Variants in ZNF514 observed in about 807,000 individuals in gnomAD.
ZNF514 encodes the protein zinc finger protein 514.
A neutral mutation model predicts 9.7 loss-of-function variants in ZNF514; 12 were observed. The observed-to-expected ratio is 1.24, with a 90% CI of 0.79 to 2.01. ZNF514 has a LOEUF of 2.01. ZNF514 is among the 30% of genes most tolerant of loss of function. ZNF514 has a pLI of 0.00. For missense variants in ZNF514, 467 were observed against 465.5 expected (o/e 1.00, Z -0.03); for synonymous variants, 158 against 163.7 (o/e 0.97, Z 0.27).
At chr2:95,158,956 G>C (rs1157187585) in intron 1 of ZNF514, 15 of 1,289,400 alleles carry the variant, frequency 1.2e-5, no homozygotes, top group Non-Finnish European at 1.5e-5. Context: ...GCACGCTCCA[G>C]AGCCAAACCT....
chr2:95,137,195 C>G, the ZNF514 span, among the ~76,000 whole-genome samples: 1 of 152,132 alleles, frequency 6.6e-6, no homozygotes, highest in African/African-American at 2.4e-5. Context: ...AAAGAAGCAG[C>G]CTTAACCAAG....
chr2:95,124,741 A>T, the ZNF514 span, among the ~76,000 whole-genome samples: 2 of 151,332 alleles, frequency 1.3e-5, no homozygotes, highest in Non-Finnish European at 2.9e-5. Context: ...GCCTTTAAGC[A>T]ATCCACCCAC....
At position 95,149,708 on chromosome 2, in the gene ZNF514, G is replaced by A. The variant is rs140564139; in HGVS notation, c.777C>T (p.Pro259=). ...KHQRTHTGEK[P]YECSECGRAF... ...CTCTCCCACATTCACTGCATTCATAGGGCTTTTCTCCAGTATGAGTTCTTT... is the reference window on the plus strand; with the variant it reads ...CTCTCCCACATTCACTGCATTCATAAGGCTTTTCTCCAGTATGAGTTCTTT... The change falls in exon 5 of 5, where the codon CCC becomes CCT. Residue 259 remains proline (P), a synonymous_variant. Transcript: ENST00000295208. 209 of 1,614,204 alleles carry A rather than the reference G, an allele frequency of 1.3e-4. No homozygotes were observed. The Middle Eastern group carries it at 4.1e-3, about 32-fold the overall frequency.
chr2:95,153,229 C>T lies in ZNF514; in HGVS notation c.25G>A (p.Glu9Lys). The part of the protein sequence containing the change: MTFEDVAV[E>K]FSQWEWGQLN... ...TGCCCCCACTCCCACTGGCTGAATT[C>T]CACAGCCACATCTTCAAATGTCATC... Residue 9 changes from glutamate to lysine, a missense_variant, in exon 3 of 5, where the codon GAA becomes AAA. Glu to Lys is a moderately conservative substitution (Grantham distance 56). Coordinates refer to ENST00000295208, the MANE Select transcript of ZNF514 (RefSeq NM_032788.3). 6.2e-7 allele frequency: 1 copy of T among 1,613,994 alleles called. No homozygotes were observed. Among genetic ancestry groups the T allele is most frequent in the South Asian group, 1.1e-5 (1 of 91,044 alleles).
chr2:95,130,216 G>A, the ZNF514 span, among the ~76,000 whole-genome samples: 2 of 152,160 alleles, frequency 1.3e-5, no homozygotes, highest in Non-Finnish European at 2.9e-5. Flanking sequence ...TTTTCAAAAG[G>A]GGAGGGAGTG....
chr2:95,158,725 T>C (rs1355879905), intron 1 of ZNF514: 15 of 992,500 alleles, frequency 1.5e-5, no homozygotes, highest in Non-Finnish European at 1.8e-5. Flanking sequence ...TGGGACAATT[T>C]TCCATGGCCA....
Position 95,150,185 on chromosome 2 carries a change from CACTGAT to C in ZNF514, c.294_299del (p.Ser99_Val100del). On this transcript the variant is annotated inframe_deletion, in exon 5 of 5. Coordinates refer to ENST00000295208, the MANE Select transcript of ZNF514 (RefSeq NM_032788.3). ...GCAGCACATCTTGAATGTGTTTTTC[CACTGAT>C]ACTACCTGGAATAATTCTTCTTTGG... 2 of 1,608,580 alleles carry C rather than the reference CACTGAT, an allele frequency of 1.2e-6. No individual in the cohort carries two copies. Among genetic ancestry groups the C allele is most frequent in the Non-Finnish European group, 1.7e-6 (2 of 1,179,870 alleles).
chr2:95,123,456 T>C, the ZNF514 span, among the ~76,000 whole-genome samples: 1 of 152,152 alleles, frequency 6.6e-6, no homozygotes, highest in South Asian at 2.1e-4. Flanking sequence ...ACTGGGAGGA[T>C]TTCCCTTCAC....
chr2:95,127,834 C>T, the ZNF514 span, among the ~76,000 whole-genome samples: 5 of 152,170 alleles, frequency 3.3e-5, no homozygotes, highest in East Asian at 9.8e-4. Flanking sequence ...GCCTTGAACT[C>T]CTGAACTCAG....
rs552568773 is a variant in ZNF514, at chr2:95,158,175, T to TAAG, written c.-95-739_-95-737dup. ...TGTTAAACTCTGGCTCAAGACTTGC[T>TAAG]AAGACACTGTTTGAGGATGTGTGGG... On this transcript the variant is annotated intron_variant, in intron 1 of 4. Transcript: ENST00000295208. Among the ~76,000 whole-genome samples the TAAG allele has an allele frequency of 2.6e-5, 4 of 152,298 alleles. No homozygotes were observed. The East Asian group carries it at 7.7e-4, about 29-fold the overall frequency.
At chr2:95,156,737 C>G (rs901818832) in intron 2 of ZNF514, among the ~76,000 whole-genome samples, 1 of 152,138 alleles carries the variant, frequency 6.6e-6, no homozygotes, top group African/African-American at 2.4e-5. Flanking sequence ...TTACTGGTGG[C>G]AAACCAATGC....
chr2:95,131,721 G>C, the ZNF514 span, among the ~76,000 whole-genome samples: 1 of 152,196 alleles, frequency 6.6e-6, no homozygotes. Flanking sequence ...AACAAATGGT[G>C]CAGGAAGAAC....
Position 95,147,592 on chromosome 2 carries a change from T to C in ZNF514, c.*1690A>G, listed in dbSNP as rs1217500494. ...GGCATCTGCCTTCTTTCACTTAGAA[T>C]CACGTTTTTGAGATCTGGATTGTGC... On this transcript the variant is annotated 3_prime_UTR_variant, in exon 5 of 5. Coordinates refer to ENST00000295208, the MANE Select transcript of ZNF514 (RefSeq NM_032788.3). The C allele has an allele frequency of 6.6e-6, 1 of 152,100 alleles. No individual in the cohort carries two copies. Among genetic ancestry groups the C allele is most frequent in the Non-Finnish European group, 1.5e-5 (1 of 68,002 alleles). 9.4% of individuals were successfully genotyped at this position (152,100 alleles called of 1,614,324 possible). A position where few individuals can be genotyped will look rare whatever the true frequency, so the allele number is the denominator to read the frequency against.
the ZNF514 span, among the ~76,000 whole-genome samples, chr2:95,137,713 A>C: frequency 4.6e-5 from 7 of 152,252 alleles, no homozygotes; most frequent in African/African-American, 1.7e-4. Flanking sequence ...GAAAATTTGC[A>C]GTCCTTACAG....
Position 95,152,786 on chromosome 2 carries a change from A to T in ZNF514, c.122-17T>A, listed in dbSNP as rs770134024. On this transcript the variant is annotated splice_polypyrimidine_tract_variant and intron_variant, in intron 3 of 4. Coordinates refer to ENST00000295208, the MANE Select transcript of ZNF514 (RefSeq NM_032788.3). ...CTAGAAGGCCTGATGGTAGAGAAGGAAAAGGATTTTGGTTGTGTGTGCCAG... is the reference window on the plus strand; with the variant it reads ...CTAGAAGGCCTGATGGTAGAGAAGGTAAAGGATTTTGGTTGTGTGTGCCAG... The T allele has an allele frequency of 6.2e-7, 1 of 1,612,004 alleles. No individual in the cohort carries two copies. Among genetic ancestry groups the T allele is most frequent in the Admixed American group, 1.7e-5 (1 of 60,020 alleles).
At chr2:95,158,711 C>G (rs1166889384) in intron 1 of ZNF514, 1 of 868,754 alleles carries the variant, frequency 1.2e-6, no homozygotes, top group Non-Finnish European at 1.5e-6. Context: ...TCTCCTCTGG[C>G]CATTGGGACA....
Position 95,148,311 on chromosome 2 carries a change from C to A in ZNF514, c.*971G>T, listed in dbSNP as rs557584664. ...CTCTGCACCCATGCATGACACCCTGCCCCGTCAGTAACAGCATGAGGAGGC... is the reference window on the plus strand; with the variant it reads ...CTCTGCACCCATGCATGACACCCTGACCCGTCAGTAACAGCATGAGGAGGC... On this transcript the variant is annotated 3_prime_UTR_variant, in exon 5 of 5. Coordinates refer to ENST00000295208, the MANE Select transcript of ZNF514 (RefSeq NM_032788.3). The A allele has an allele frequency of 6.6e-6, 1 of 152,356 alleles. No individual in the cohort carries two copies. The highest frequency in any genetic ancestry group is 2.4e-5 in the African/African-American group (1 of 41,570). 9.4% of individuals were successfully genotyped at this position (152,356 alleles called of 1,614,324 possible). A position where few individuals can be genotyped will look rare whatever the true frequency, so the allele number is the denominator to read the frequency against.
the ZNF514 span, among the ~76,000 whole-genome samples, chr2:95,130,247 A>G: frequency 1.3e-5 from 2 of 152,236 alleles, no homozygotes; most frequent in Non-Finnish European, 2.9e-5. Flanking sequence ...TGTGGGTGAC[A>G]GACACCAAGT....
At chr2:95,129,969 CTCTTAT>C in the ZNF514 span, among the ~76,000 whole-genome samples, 53 of 152,246 alleles carry the variant, frequency 3.5e-4, 2 homozygotes, top group South Asian at 0.01. Flanking sequence ...CTCCAGGGGT[CTCTTAT>C]TTATTTATTT....
Sources: allele counts gnomAD v4.1 joint callset (sites outside exome capture counted in the v4.1 genomes callset), GRCh38; gene constraint gnomAD v4.1.1; transcripts MANE v1.5; gene names NCBI Gene and HGNC (gene_info 2026-07-23, HGNC 2026-07-21).